The following EPHA2 variants were observed in gnomAD, a reference collection of about 807,000 sequenced individuals.
EPHA2 encodes ephrin type-A receptor 2.
EPHA2 carries 54 observed loss-of-function variants against 104.9 expected under a neutral mutation model. That is an observed-to-expected ratio of 0.51 (90% confidence interval 0.41 to 0.65). EPHA2 has a LOEUF of 0.65. EPHA2 is among the 30% of genes least tolerant of loss of function. The pLI is 0.00. For missense variants in EPHA2, 1,117 were observed against 1,369.5 expected (o/e 0.82, Z 2.91); for synonymous variants, 560 against 559.1 (o/e 1.00, Z -0.02).
At chr1:16,145,593 G>T (rs1165316852) in intron 3 of EPHA2, among the ~76,000 whole-genome samples, 1 of 152,052 alleles carries the variant, frequency 6.6e-6, no homozygotes, top group Non-Finnish European at 1.5e-5. Context: ...CGGCAGGGAG[G>T]GCAGACCCTG....
chr1:16,130,366 G>A lies in EPHA2; in HGVS notation c.2529C>T (p.Pro843=), dbSNP rs2024550046. ...GFRLPTPMDC[P]SAIYQLMMQC... ...GCATCATGAGCTGGTAGATGGCGGA[G>A]GGGCAGTCCATGGGTGTGGGGAGCC... is the stretch of plus-strand genomic sequence containing the variant. Residue 843 remains proline, a synonymous_variant, in exon 15 of 17, where the codon CCC becomes CCT. Transcript: ENST00000358432. The surrounding 1 kb of genome is among the most constrained non-coding windows in gnomAD (Gnocchi z 4.5). The A allele has an allele frequency of 6.3e-7, 1 of 1,578,600 alleles. No homozygotes were observed. The highest frequency in any genetic ancestry group is 8.6e-7 in the Non-Finnish European group (1 of 1,156,654).
rs757859957 is a variant in EPHA2 at position 16,138,167 on chromosome 1, T to C, written c.998A>G (p.His333Arg). ...MPCTRPPSAP[H>R]YLTAVGMGAK... ...ACCCATGCCCACGGCTGTGAGGTAGTGTGGGGCGGAGGGGGGTCCTGCACA... is the reference window on the plus strand; with the variant it reads ...ACCCATGCCCACGGCTGTGAGGTAGCGTGGGGCGGAGGGGGGTCCTGCACA... Residue 333 changes from histidine (H) to arginine (R), a missense_variant, in exon 5 of 17, where the codon CAC becomes CGC. Coordinates refer to ENST00000358432, the MANE Select transcript of EPHA2 (RefSeq NM_004431.5). The C allele has an allele frequency of 4.3e-5, 70 of 1,609,338 alleles. No homozygotes were observed. The highest frequency in any genetic ancestry group is 5.3e-5 in the Non-Finnish European group (63 of 1,179,914).
At position 16,131,720 on chromosome 1, in the gene EPHA2, C is replaced by T; in HGVS notation, c.2475+1G>A. On this transcript the variant is annotated splice_donor_variant, in intron 14 of 16. Coordinates refer to ENST00000358432, the MANE Select transcript of EPHA2 (RefSeq NM_004431.5). LOFTEE classifies it high-confidence loss of function. The surrounding 1 kb of genome is among the most constrained non-coding windows in gnomAD (Gnocchi z 5.2). ...GGCCTGGGGAGGGCAAGGGCACCCA[C>T]CTCGTGGTTGGACAACTCCCAGTAG... The T allele has an allele frequency of 6.2e-7, 1 of 1,614,028 alleles. No individual in the cohort carries two copies.
Position 16,130,194 on chromosome 1 carries a change from A to G in EPHA2, c.2669+32T>C, listed in dbSNP as rs1385447415. 2 of 1,613,816 alleles carry G rather than the reference A, an allele frequency of 1.2e-6. No individual in the cohort carries two copies. Among genetic ancestry groups the G allele is most frequent in the South Asian group, 2.2e-5 (2 of 91,010 alleles). ...TCAAGAGTCTGCAGAAGGAAAATTG[A>G]GGTCATCATGGGCAGAGGGCATAGA... On this transcript the variant is annotated intron_variant, in intron 15 of 16. Transcript: ENST00000358432. The surrounding 1 kb of genome is among the most constrained non-coding windows in gnomAD (Gnocchi z 4.5).
Position 16,125,362 on chromosome 1 carries a change from C to T in EPHA2, c.2826-42G>A. The T allele has an allele frequency of 3.5e-6, 1 of 284,154 alleles. No homozygotes were observed. The highest frequency in any genetic ancestry group is 5.7e-6 in the Non-Finnish European group (1 of 175,740). The allele number at this position is 284,154 out of a possible 1,614,324, so 17.6% of individuals were successfully genotyped here. On this transcript the variant is annotated intron_variant, in intron 16 of 16. Transcript: ENST00000358432. The surrounding 1 kb of genome is among the most constrained non-coding windows in gnomAD (Gnocchi z 4.9). ...AGAGAGGGAGAGTTAGGGGCTGGAG[C>T]AGGGGAGGGGGCCGGGCTGGGTGGG...
chr1:16,142,846 G>C (rs1014295992), intron 3 of EPHA2, among the ~76,000 whole-genome samples: 2 of 147,674 alleles, frequency 1.4e-5, no homozygotes, highest in African/African-American at 5.0e-5. Context: ...GGGTGGAGGG[G>C]TGGATAGATG....
chr1:16,132,575 G>A, intron 11 of EPHA2, 136 bp from the exon 12 acceptor site: 1 of 926,344 alleles, frequency 1.1e-6, no homozygotes, highest in Non-Finnish European at 1.7e-6. Flanking sequence ...CAGGTGTGGG[G>A]AGGGTGGGTA....
rs1300522179 is a variant in EPHA2, at chr1:16,150,088, C to T, written c.153+808G>A. ...CAGGATCCTAGAAACCTGCTCAGGGCTACACCCCAGCCAAGCCTGCCCAGA... is the reference window on the plus strand; with the variant it reads ...CAGGATCCTAGAAACCTGCTCAGGGTTACACCCCAGCCAAGCCTGCCCAGA... On this transcript the variant is annotated intron_variant, in intron 2 of 16. Coordinates refer to ENST00000358432, the MANE Select transcript of EPHA2 (RefSeq NM_004431.5). The surrounding 1 kb of genome is among the most constrained non-coding windows in gnomAD (Gnocchi z 4.8). Among the ~76,000 whole-genome samples the T allele has an allele frequency of 6.6e-6, 1 of 152,170 alleles. No homozygotes were observed. Among genetic ancestry groups the T allele is most frequent in the South Asian group, 2.1e-4 (1 of 4,830 alleles).
rs746635122 is a variant in EPHA2, at chr1:16,130,256, G to A, written c.2639C>T (p.Ser880Phe). 1.9e-6 allele frequency: 3 copies of A among 1,614,058 alleles called. No homozygotes were observed. In the Admixed American group the frequency reaches 5.0e-5, roughly 27 times the overall value. Residue 880 changes from serine (S) to phenylalanine (F), a missense_variant, in exon 15 of 17, where the codon TCC becomes TTC. Around this residue, in one of 3 missense-constraint regions of EPHA2, gnomAD observed 340 missense variants for 480.5 expected, o/e 0.71. Transcript: ENST00000358432. The surrounding 1 kb of genome is among the most constrained non-coding windows in gnomAD (Gnocchi z 4.5). ...ILDKLIRAPD[S>F]LKTLADFDPR... The stretch of plus-strand genomic sequence containing the variant: ...GTCAAAGTCAGCCAGGGTCTTGAGG[G>A]AGTCAGGGGCACGAATGAGCTTGTC...
chr1:16,143,530 G>T (rs1205031404), intron 3 of EPHA2, among the ~76,000 whole-genome samples: 2 of 152,048 alleles, frequency 1.3e-5, no homozygotes, highest in Admixed American at 6.5e-5. Context: ...TGCACCTCCG[G>T]CTATACCCTG....
In EPHA2 at chr1:16,131,947, C is replaced by T. The variant is rs1458268382; in HGVS notation, c.2326-77G>A. The T allele has an allele frequency of 1.3e-6, 2 of 1,599,036 alleles. No individual in the cohort carries two copies. The highest frequency in any genetic ancestry group is 1.3e-5 in the African/African-American group (1 of 74,576). Reference sequence around the variant, plus strand: ...ACCATTGCAGCCAAGCCCCACGACCCCTCCCTGGACTCCTACAGGTGTTCT... The same window carrying T: ...ACCATTGCAGCCAAGCCCCACGACCTCTCCCTGGACTCCTACAGGTGTTCT... On this transcript the variant is annotated intron_variant, in intron 13 of 16. Transcript: ENST00000358432. The surrounding 1 kb of genome is among the most constrained non-coding windows in gnomAD (Gnocchi z 5.2).
chr1:16,144,706 G>C (rs1177364512), intron 3 of EPHA2, among the ~76,000 whole-genome samples: 4 of 152,246 alleles, frequency 2.6e-5, no homozygotes, highest in Non-Finnish European at 1.5e-5. Context: ...TCATTTTACA[G>C]ATGGGGGTGG....
chr1:16,143,199 G>A (rs866566021), intron 3 of EPHA2, among the ~76,000 whole-genome samples: 4 of 117,142 alleles, frequency 3.4e-5, no homozygotes, highest in African/African-American at 1.2e-4. Context: ...TGAATGGATG[G>A]ATGGATGTAG....
Position 16,138,363 on chromosome 1 carries a change from C to G in EPHA2, c.891G>C (p.Thr297=), listed in dbSNP as rs562063397. 6.2e-7 allele frequency: 1 copy of G among 1,613,892 alleles called. No homozygotes were observed. The change falls in exon 4 of 17, where the codon ACG becomes ACC. Residue 297 remains threonine (T), a synonymous_variant. Coordinates refer to ENST00000358432, the MANE Select transcript of EPHA2 (RefSeq NM_004431.5). ...ESPCLECPEH[T]LPSPEGATSC... ...AGGTGGCACCCTCAGGGGATGGCAG[C>G]GTGTGCTCAGGGCACTCCAAGCAGG...
Position 16,135,318 on chromosome 1 carries a change from C to T in EPHA2, c.1429-129G>A. ...GTTAGCAAACTTGAGGCTCTTCTTA[C>T]AGAGGAGGAAACTGAGGCTCGGAAT... is the stretch of plus-strand genomic sequence containing the variant. On this transcript the variant is annotated intron_variant, in intron 6 of 16. Transcript: ENST00000358432. This position sits in a 1 kb window ranked among gnomAD's most constrained non-coding sequence, Gnocchi z 4.3. The T allele has an allele frequency of 8.0e-7, 1 of 1,242,614 alleles. No homozygotes were observed. Among genetic ancestry groups the T allele is most frequent in the Non-Finnish European group, 1.2e-6 (1 of 865,640 alleles). The allele number at this position is 1,242,614 out of a possible 1,614,324, so 77.0% of individuals were successfully genotyped here. A position where few individuals can be genotyped will look rare whatever the true frequency, so the allele number is the denominator to read the frequency against.
At chr1:16,143,243 A>ATGGATGGATGT (rs2024862729) in intron 3 of EPHA2, among the ~76,000 whole-genome samples, 1 of 149,480 alleles carries the variant, frequency 6.7e-6, no homozygotes, top group East Asian at 2.0e-4. Flanking sequence ...TGGATGGATG[A>ATGGATGGATGT]GTGGATGGGT....
intron 3 of EPHA2, among the ~76,000 whole-genome samples, chr1:16,144,314 A>C (rs2024887340): frequency 6.6e-6 from 1 of 152,016 alleles, no homozygotes; most frequent in South Asian, 2.1e-4. Context: ...AAGAAACATC[A>C]CAGAAATAAG....
At chr1:16,140,602 C>T (rs763588712) in intron 3 of EPHA2, among the ~76,000 whole-genome samples, 1 of 152,106 alleles carries the variant, frequency 6.6e-6, no homozygotes, top group African/African-American at 2.4e-5. Flanking sequence ...CTCTCCTCTC[C>T]CACTCCTTTT....
In EPHA2 at chr1:16,148,333, G is replaced by C. The variant is rs199512987; in HGVS notation, c.823+45C>G. ...ATTCCAAAGCTAAAGACCAGAACCTGGGAATGCAGAACCCCCTTCCCTGCA... is the reference window on the plus strand; with the variant it reads ...ATTCCAAAGCTAAAGACCAGAACCTCGGAATGCAGAACCCCCTTCCCTGCA... On this transcript the variant is annotated intron_variant, in intron 3 of 16. Transcript: ENST00000358432. This position sits in a 1 kb window ranked among gnomAD's most constrained non-coding sequence, Gnocchi z 4.9. The C allele has an allele frequency of 5.0e-6, 8 of 1,588,268 alleles. No individual in the cohort carries two copies. Among genetic ancestry groups the C allele is most frequent in the Admixed American group, 1.7e-5 (1 of 57,852 alleles).
Sources: gnomAD v4.1 joint callset for allele counts (sites outside exome capture counted in the v4.1 genomes callset) on GRCh38, gnomAD v4.1.1 for gene constraint, gnomAD v4.1.1 regional missense constraint, Gnocchi (gnomAD v3.1) non-coding constraint, MANE v1.5 for transcripts, NCBI Gene and HGNC (gene_info 2026-07-23, HGNC 2026-07-21) for gene names.